The following SUMF1 variants were observed in gnomAD, a reference collection of about 807,000 sequenced individuals.
SUMF1 encodes the protein formylglycine-generating enzyme.
Under a neutral mutation model 47.6 loss-of-function variants are expected in SUMF1, and 48 were observed. That is an observed-to-expected ratio of 1.01 (90% CI 0.80 to 1.28). SUMF1 has a LOEUF of 1.28. SUMF1 is among the 50% of genes most tolerant of loss of function. The pLI, the probability that SUMF1 is intolerant of heterozygous loss-of-function variation, is 0.00. For synonymous variants in SUMF1, 230 were observed against 192.1 expected, an observed-to-expected ratio of 1.20 and a Z score of -1.63; for missense variants, 571 against 485.4, an observed-to-expected ratio of 1.18 and a Z score of -1.66.
intron 8 of SUMF1, among the ~76,000 whole-genome samples, chr3:4,154,811 A>G (rs1341043992): frequency 6.6e-6 from 1 of 151,568 alleles, no homozygotes; most frequent in South Asian, 2.1e-4. Context: ...TCACCAGCCA[A>G]TATCTGGGCA....
chr3:4,410,861 TC>T lies in SUMF1; in HGVS notation c.954+3del. 1 of 1,613,162 alleles carries T rather than the reference TC, an allele frequency of 6.2e-7. No homozygotes were observed. The highest frequency in any genetic ancestry group is 8.5e-7 in the Non-Finnish European group (1 of 1,179,150). Reference sequence around the variant, plus strand: ...AAGACACATGCTCTGTGAATAATACTCACTGGGTTAAGCGTTTCTTCAACAG... The same window carrying T: ...AAGACACATGCTCTGTGAATAATACTACTGGGTTAAGCGTTTCTTCAACAG... On this transcript the variant is annotated splice_donor_region_variant and intron_variant, in intron 7 of 8. Coordinates refer to ENST00000272902, the MANE Select transcript of SUMF1 (RefSeq NM_182760.4).
At chr3:4,240,847 C>G (rs1172455727) in intron 8 of SUMF1, among the ~76,000 whole-genome samples, 1 of 151,402 alleles carries the variant, frequency 6.6e-6, no homozygotes, top group East Asian at 1.9e-4. Flanking sequence ...ATTTTATAAT[C>G]AGAAAAAAAT....
intron 8 of SUMF1, among the ~76,000 whole-genome samples, chr3:4,136,362 C>A (rs1693931952): frequency 6.6e-6 from 1 of 152,072 alleles, no homozygotes; most frequent in African/African-American, 2.4e-5. Flanking sequence ...GAAAAACAAG[C>A]AATGGGGAAA....
intron 8 of SUMF1, among the ~76,000 whole-genome samples, chr3:4,138,905 C>A (rs2197328): frequency 0.78 from 118,707 of 151,848 alleles, 46,736 homozygotes; most frequent in Admixed American, 0.83. Context: ...GGCTATTTAC[C>A]CATATTTTTT....
At chr3:4,420,612 G>C (rs758035027) in intron 3 of SUMF1, among the ~76,000 whole-genome samples, 14 of 151,990 alleles carry the variant, frequency 9.2e-5, no homozygotes, top group Non-Finnish European at 1.6e-4. Flanking sequence ...TAGCCAGGAT[G>C]GTCTCGATCT....
intron 8 of SUMF1, among the ~76,000 whole-genome samples, chr3:4,199,517 A>G (rs1018688857): frequency 6.6e-6 from 1 of 152,120 alleles, no homozygotes; most frequent in Non-Finnish European, 1.5e-5. Context: ...TTGTATGGTA[A>G]TTACGTGTTC....
chr3:4,167,653 T>G (rs1414310964), intron 8 of SUMF1, among the ~76,000 whole-genome samples: 1 of 152,128 alleles, frequency 6.6e-6, no homozygotes, highest in East Asian at 1.9e-4. Context: ...AAGTCCCCAC[T>G]CGACCCAGGA....
chr3:4,258,437 C>G (rs1404344201), intron 8 of SUMF1, among the ~76,000 whole-genome samples: 4 of 134,600 alleles, frequency 3.0e-5, no homozygotes, highest in Non-Finnish European at 6.4e-5. Context: ...ACAACCCCAT[C>G]AAAAAGTGGG....
chr3:4,414,128 G>C (rs1215118089), intron 6 of SUMF1, among the ~76,000 whole-genome samples: 2 of 152,148 alleles, frequency 1.3e-5, no homozygotes, highest in Non-Finnish European at 2.9e-5. Context: ...GACTCCCAAA[G>C]TGCTGGGATT....
At chr3:4,171,878 G>T (rs1419105325) in intron 8 of SUMF1, among the ~76,000 whole-genome samples, 2 of 151,958 alleles carry the variant, frequency 1.3e-5, no homozygotes, top group African/African-American at 4.8e-5. Context: ...GTGTAGAGAG[G>T]AATGAGACAG....
At chr3:4,350,158 G>A (rs951667728) in intron 8 of SUMF1, among the ~76,000 whole-genome samples, 2 of 151,538 alleles carry the variant, frequency 1.3e-5, no homozygotes, top group African/African-American at 2.4e-5. Flanking sequence ...GCACCACCAC[G>A]CCAGGCTAAT....
chr3:4,317,189 C>A, intron 8 of SUMF1: 2 of 1,549,888 alleles, frequency 1.3e-6, no homozygotes, highest in African/African-American at 1.4e-5. Context: ...CAGGAATAAA[C>A]CAACTTATTT....
rs77991674 is a variant in SUMF1, at chr3:4,362,276, G to A, written c.1015-22C>T. ...AAGACTGTGTAGAGAGAAAGAGCAA[G>A]GTAAGTGCTACTGGGACTCTCAGCT... On this transcript the variant is annotated intron_variant, in intron 8 of 8. Transcript: ENST00000272902. 1.9e-3 allele frequency: 3,070 copies of A among 1,603,088 alleles called. 50 individuals are homozygous for A. The African/African-American group carries it at 0.036, about 19-fold the overall frequency.
intron 8 of SUMF1, among the ~76,000 whole-genome samples, chr3:4,218,085 T>G (rs1190086592): frequency 1.3e-5 from 2 of 152,046 alleles, no homozygotes; most frequent in East Asian, 3.9e-4. Context: ...TCAGAGGCTT[T>G]AACTGTATCT....
At chr3:4,098,662 T>A (rs573756864) in intron 8 of SUMF1, among the ~76,000 whole-genome samples, 2 of 152,312 alleles carry the variant, frequency 1.3e-5, no homozygotes, top group East Asian at 3.9e-4. Flanking sequence ...CCCTAGAAAC[T>A]GCATAATCAT....
intron 7 of SUMF1, among the ~76,000 whole-genome samples, chr3:4,386,670 A>G (rs963214023): frequency 2.0e-5 from 3 of 152,052 alleles, no homozygotes; most frequent in African/African-American, 7.2e-5. Context: ...AGACATAGTT[A>G]CCTTTTTCCC....
At chr3:4,286,340 AG>A (rs1415276076) in intron 8 of SUMF1, among the ~76,000 whole-genome samples, 1 of 152,122 alleles carries the variant, frequency 6.6e-6, no homozygotes, top group Non-Finnish European at 1.5e-5. Context: ...AGGAAAACAA[AG>A]CAAAAACCGT....
At chr3:4,267,950 GGC>G in intron 8 of SUMF1, among the ~76,000 whole-genome samples, 1 of 150,602 alleles carries the variant, frequency 6.6e-6, no homozygotes, top group Middle Eastern at 3.4e-3. Flanking sequence ...TGTTTATTGT[GGC>G]ACTATTCACA....
intron 9 of SUMF1, among the ~76,000 whole-genome samples, chr3:4,037,004 G>A (rs1248785772): frequency 1.3e-5 from 2 of 152,066 alleles, no homozygotes; most frequent in East Asian, 3.9e-4. Flanking sequence ...TATACACACA[G>A]CTTAAAAGTT....
Sources: gnomAD v4.1 joint callset for allele counts (sites outside exome capture counted in the v4.1 genomes callset) on GRCh38, gnomAD v4.1.1 for gene constraint, MANE v1.5 for transcripts, NCBI Gene and HGNC (gene_info 2026-07-23, HGNC 2026-07-21) for gene names.